PRRT4: variants seen among roughly 807,000 people sequenced by gnomAD.
PRRT4 encodes the protein proline rich transmembrane protein 4.
PRRT4 carries 59 observed loss-of-function variants against 55.6 expected under a neutral mutation model. That is an observed-to-expected ratio of 1.06 (90% CI 0.86 to 1.32). The LOEUF (loss-of-function observed/expected upper bound fraction) is 1.32. Among genes scored for constraint, PRRT4 ranks in the 40% most tolerant of loss-of-function variants. The pLI is 0.00. For synonymous variants in PRRT4, 606 were observed against 601.8 expected, an observed-to-expected ratio of 1.01 and a Z score of -0.10; for missense variants, 1,217 against 1,222.0, an observed-to-expected ratio of 1.00 and a Z score of 0.06.
chr7:128,360,756 T>C (rs535720350), intron 1 of PRRT4, among the ~76,000 whole-genome samples: 120 of 152,004 alleles, frequency 7.9e-4, no homozygotes, highest in African/African-American at 2.2e-3. Flanking sequence ...GATCTCCGGC[T>C]TCCTGGAGGA....
At chr7:128,354,553 G>A (rs1483941757) in intron 4 of PRRT4, among the ~76,000 whole-genome samples, 2 of 143,530 alleles carry the variant, frequency 1.4e-5, no homozygotes, top group Non-Finnish European at 3.0e-5. Context: ...GACAGAGCGA[G>A]ACTCTGGCTC....
intron 4 of PRRT4, among the ~76,000 whole-genome samples, chr7:128,354,379 C>A (rs1584682458): frequency 6.6e-6 from 1 of 152,296 alleles, no homozygotes; most frequent in East Asian, 1.9e-4. Flanking sequence ...GCCTGGCCAA[C>A]ACAGCAAAAC....
At chr7:128,351,904 C>G in exon 5 of PRRT4, 1 of 1,322,566 alleles carries the variant, frequency 7.6e-7, no homozygotes, top group Non-Finnish European at 9.6e-7. Context: ...CCAGGACTCC[C>G]GAGGGGCGAA....
rs979297124 is a variant in PRRT4, at chr7:128,359,256, G to A, written c.653-3C>T. 2.6e-6 allele frequency: 4 copies of A among 1,549,206 alleles called. No individual in the cohort carries two copies. The highest frequency in any genetic ancestry group is 2.6e-6 in the Non-Finnish European group (3 of 1,146,142). Reference sequence around the variant, plus strand: ...GGACAGAGTAGTGCCAAAGAATCCTGCAAAAGAAGCCCAGGCTGAAGCTGC... The same window carrying A: ...GGACAGAGTAGTGCCAAAGAATCCTACAAAAGAAGCCCAGGCTGAAGCTGC... On this transcript the variant is annotated splice_polypyrimidine_tract_variant and splice_region_variant and intron_variant, in intron 2 of 4. Transcript: ENST00000535159.
intron 4 of PRRT4, among the ~76,000 whole-genome samples, chr7:128,353,340 C>T (rs1797042286): frequency 6.6e-6 from 1 of 152,054 alleles, no homozygotes; most frequent in Admixed American, 6.6e-5. Context: ...GTTCTGCACC[C>T]CTGACTCCCA....
exon 2 of PRRT4, chr7:128,359,963 C>T: frequency 2.2e-6 from 3 of 1,390,688 alleles, no homozygotes; most frequent in Non-Finnish European, 2.8e-6. Context: ...GCAGAACAGT[C>T]CCAGCCCTAG....
exon 5 of PRRT4, chr7:128,351,009 T>C (rs1011642491): frequency 5.4e-5 from 83 of 1,550,166 alleles, no homozygotes; most frequent in Non-Finnish European, 7.2e-5. Flanking sequence ...GGTAGGATCC[T>C]GAGGCCGGGA....
At chr7:128,357,550 C>T (rs887913524) in intron 4 of PRRT4, among the ~76,000 whole-genome samples, 30 of 152,198 alleles carry the variant, frequency 2.0e-4, no homozygotes, top group Non-Finnish European at 2.2e-4. Context: ...CCTGCCCCTG[C>T]TGCACGCTGG....
Position 128,358,616 on chromosome 7 carries a change from G to T in PRRT4, c.877+65C>A. 7.2e-7 allele frequency: 1 copy of T among 1,381,574 alleles called. No individual in the cohort carries two copies. The highest frequency in any genetic ancestry group is 1.0e-6 in the Non-Finnish European group (1 of 995,488). The allele number at this position is 1,381,574 out of a possible 1,614,324, so 85.6% of individuals were successfully genotyped here. On this transcript the variant is annotated intron_variant, in intron 4 of 4. Transcript: ENST00000535159. The surrounding 1 kb of genome is among the most constrained non-coding windows in gnomAD (Gnocchi z 4.4). ...AATAAAAGGGTCCCAGAACACTGATGAGTGACTAGCATGTAGTAAGTGCTC... is the reference window on the plus strand; with the variant it reads ...AATAAAAGGGTCCCAGAACACTGATTAGTGACTAGCATGTAGTAAGTGCTC...
chr7:128,361,076 GTCTCTCTC>G (rs71160633), intron 1 of PRRT4, among the ~76,000 whole-genome samples: 94 of 100,496 alleles, frequency 9.4e-4, no homozygotes, highest in African/African-American at 3.4e-3. Flanking sequence ...GGCCTCCCCT[GTCTCTCTC>G]TCTCTCTCTC....
exon 5 of PRRT4, chr7:128,352,317 C>T: frequency 6.5e-7 from 1 of 1,542,104 alleles, no homozygotes. Context: ...GCGGGAAGGC[C>T]CGCGTGGTCC....
chr7:128,351,566 C>T, exon 5 of PRRT4: 1 of 1,499,464 alleles, frequency 6.7e-7, no homozygotes, highest in Non-Finnish European at 8.8e-7. Context: ...ATGGCGCTCC[C>T]CAGGGGCTCC....
At chr7:128,359,695 C>A (rs1401283550) in exon 2 of PRRT4, 1 of 1,551,518 alleles carries the variant, frequency 6.4e-7, no homozygotes, top group Non-Finnish European at 8.7e-7. Flanking sequence ...CCAGCAATTC[C>A]CAAAGGGGGT....
chr7:128,352,245 C>G, exon 5 of PRRT4: 1 of 1,541,454 alleles, frequency 6.5e-7, no homozygotes, highest in Non-Finnish European at 8.7e-7. Context: ...GCGGAAGGTC[C>G]TGCAGCAGCA....
chr7:128,351,715 G>A, exon 5 of PRRT4: 1 of 1,486,196 alleles, frequency 6.7e-7, no homozygotes, highest in Non-Finnish European at 8.9e-7. Context: ...CAGCGCCAAC[G>A]GGAGCGCGAC....
At chr7:128,350,821 G>C (rs1156758983), downstream of PRRT4, 3 of 1,541,304 alleles carry the variant, frequency 1.9e-6, no homozygotes, top group Non-Finnish European at 2.6e-6. Flanking sequence ...GCGCCAGAAA[G>C]GGGCATATCG....
exon 5 of PRRT4, chr7:128,351,763 C>A: frequency 6.9e-7 from 1 of 1,445,870 alleles, no homozygotes; most frequent in Non-Finnish European, 9.0e-7. Context: ...CTGGAAGGCC[C>A]ACCAGGGCCA....
chr7:128,350,899 T>G lies in PRRT4; in HGVS notation c.2657A>C (p.Gln886Pro), dbSNP rs1442340292. 6.4e-7 allele frequency: 1 copy of G among 1,550,768 alleles called. No individual in the cohort carries two copies. Among genetic ancestry groups the G allele is most frequent in the African/African-American group, 1.4e-5 (1 of 73,052 alleles). ...GCTGCCCACGCTCAGCTCGTCGATC[T>G]GTCGGCAGGCGTCCAGGAACTGCTC... Residue 886 changes from glutamine (Q) to proline (P), a missense_variant, in exon 5 of 5, where the codon CAG (glutamine) becomes CCG (proline). Physicochemically the swap from Gln to Pro is moderately conservative, Grantham distance 76. Around this residue, in one of 3 missense-constraint regions of PRRT4, gnomAD observed 642 missense variants for 600.9 expected, o/e 1.07. Transcript: ENST00000535159.
chr7:128,352,423 G>T, exon 5 of PRRT4: 1 of 1,537,358 alleles, frequency 6.5e-7, no homozygotes, highest in Non-Finnish European at 8.7e-7. Flanking sequence ...CGCCAGCAAG[G>T]CAACCAGGCC....
Sources: gnomAD v4.1 joint callset for allele counts (sites outside exome capture counted in the v4.1 genomes callset) on GRCh38, gnomAD v4.1.1 for gene constraint, gnomAD v4.1.1 regional missense constraint, Gnocchi (gnomAD v3.1) non-coding constraint, MANE v1.5 for transcripts, NCBI Gene and HGNC (gene_info 2026-07-23, HGNC 2026-07-21) for gene names.